Variants in MYO3B observed in about 807,000 individuals in gnomAD.
The protein encoded by MYO3B is myosin-IIIb.
In MYO3B, 156 loss-of-function variants were observed where a neutral mutation model predicts 174.6. The ratio of observed to expected loss-of-function variants is 0.89; its 90% confidence interval spans 0.78 to 1.02. The LOEUF (loss-of-function observed/expected upper bound fraction) is 1.02, where lower values mean the gene tolerates loss of function less well. MYO3B is among the 50% of genes least tolerant of loss of function. MYO3B has a pLI of 0.00. For synonymous variants in MYO3B, 563 were observed against 569.1 expected (o/e 0.99, Z 0.15); for missense variants, 1,632 against 1,639.4 (o/e 1.00, Z 0.08).
chr2:170,614,383 G>A (rs1695315244), intron 32 of MYO3B, among the ~76,000 whole-genome samples: 1 of 152,096 alleles, frequency 6.6e-6, no homozygotes, highest in South Asian at 2.1e-4. Context: ...AGACTATCTG[G>A]ATTCCTGGGC....
chr2:170,226,028 A>C (rs1480977528), intron 6 of MYO3B, among the ~76,000 whole-genome samples: 1 of 152,150 alleles, frequency 6.6e-6, no homozygotes, highest in Non-Finnish European at 1.5e-5. Flanking sequence ...TAGAGGGAAG[A>C]CCTGCTTTCA....
intron 24 of MYO3B, among the ~76,000 whole-genome samples, chr2:170,465,848 G>A (rs761750989): frequency 2.6e-5 from 4 of 152,168 alleles, no homozygotes; most frequent in Admixed American, 6.5e-5. Flanking sequence ...TCCTGAAGGT[G>A]AGCCCAGAAG....
At chr2:170,408,721 A>T (rs1451627214) in intron 22 of MYO3B, among the ~76,000 whole-genome samples, 1 of 146,192 alleles carries the variant, frequency 6.8e-6, no homozygotes, top group Non-Finnish European at 1.5e-5. Flanking sequence ...GCCAGGTCTG[A>T]TTTTTAGCAG....
At position 170,514,102 on chromosome 2, in the gene MYO3B, C is replaced by T. The variant is rs79364347; in HGVS notation, c.3371-819C>T. ...GGGCAGGACCAGAAAAAATCTCCTC[C>T]GTGAGGAGGGGCAGTCCTGCTGCCA... On this transcript the variant is annotated intron_variant, in intron 28 of 34. Coordinates refer to ENST00000408978, the MANE Select transcript of MYO3B (RefSeq NM_138995.5). 9.2e-3 allele frequency among the ~76,000 whole-genome samples: 1,393 copies of T among 152,226 alleles called. 48 individuals carry two copies. In the East Asian group the frequency reaches 0.1, roughly 11 times the overall value.
At chr2:170,258,056 A>T (rs1295486202) in intron 7 of MYO3B, among the ~76,000 whole-genome samples, 1 of 152,176 alleles carries the variant, frequency 6.6e-6, no homozygotes, top group East Asian at 1.9e-4. Context: ...ACAAGTTCTG[A>T]AATTGAATCA....
Position 170,443,994 on chromosome 2 carries a change from T to C in MYO3B, c.2678T>C (p.Ile893Thr), listed in dbSNP as rs550704054. 3 of 1,613,348 alleles carry C rather than the reference T, an allele frequency of 1.9e-6. No individual in the cohort carries two copies. In the African/African-American group the frequency reaches 4.0e-5, roughly 21 times the overall value. The change falls in exon 23 of 35, where the codon ATA becomes ACA. Residue 893 changes from isoleucine to threonine, a missense_variant. By Grantham distance (89) the Ile-to-Thr change is moderately conservative (BLOSUM62 -1). Coordinates refer to ENST00000408978, the MANE Select transcript of MYO3B (RefSeq NM_138995.5). ...TGNLAQTRAR[I>T]TVASSSLPPH... ...AATTTGGCCCAGACAAGAGCTAGGA[T>C]AACAGTGGCCTCAAGTTCTTTGCCT... is the stretch of plus-strand genomic sequence containing the variant.
chr2:170,367,464 G>A (rs2094207399), intron 8 of MYO3B, among the ~76,000 whole-genome samples: 1 of 152,174 alleles, frequency 6.6e-6, no homozygotes, highest in Non-Finnish European at 1.5e-5. Context: ...TCCCTCTGAG[G>A]TTCCTGGGGG....
At position 170,631,114 on chromosome 2, in the gene MYO3B, G is replaced by A. The variant is rs575045291; in HGVS notation, c.3734-20514G>A. 9.9e-5 allele frequency among the ~76,000 whole-genome samples: 15 copies of A among 152,266 alleles called. No individual in the cohort carries two copies. The South Asian group carries it at 1.0e-3, about 11-fold the overall frequency. ...ACCAAACTTCTCCGAGCTAAAGGAGGAAGTTCGAACCCATCGCAAAGAAGT... is the reference window on the plus strand; with the variant it reads ...ACCAAACTTCTCCGAGCTAAAGGAGAAAGTTCGAACCCATCGCAAAGAAGT... On this transcript the variant is annotated intron_variant, in intron 32 of 34. Coordinates refer to ENST00000408978, the MANE Select transcript of MYO3B (RefSeq NM_138995.5).
At chr2:170,520,466 C>CAT (rs35769537) in intron 30 of MYO3B, among the ~76,000 whole-genome samples, 17,796 of 151,124 alleles carry the variant, frequency 0.12, 1,256 homozygotes, top group Admixed American at 0.2. Context: ...TATACACACA[C>CAT]ATATATATAC....
chr2:170,593,436 G>T (rs1414949553), intron 32 of MYO3B, among the ~76,000 whole-genome samples: 1 of 152,140 alleles, frequency 6.6e-6, no homozygotes, highest in Non-Finnish European at 1.5e-5. Flanking sequence ...AAACCAAGGT[G>T]CAGTGACCCA....
chr2:170,307,766 C>T (rs2093710846), intron 7 of MYO3B, among the ~76,000 whole-genome samples: 1 of 152,192 alleles, frequency 6.6e-6, no homozygotes, highest in Non-Finnish European at 1.5e-5. Context: ...AATAGCAGCT[C>T]AAGGGCAGTC....
intron 7 of MYO3B, among the ~76,000 whole-genome samples, chr2:170,244,356 G>A (rs1351892446): frequency 6.6e-6 from 1 of 152,044 alleles, no homozygotes; most frequent in African/African-American, 2.4e-5. Flanking sequence ...TTTTTTCCCA[G>A]CCCCACCTGG....
chr2:170,632,660 C>T (rs1411549508), intron 32 of MYO3B, among the ~76,000 whole-genome samples: 2 of 151,886 alleles, frequency 1.3e-5, no homozygotes, highest in East Asian at 1.9e-4. Context: ...GATAGAGACA[C>T]AAAAAACCCT....
intron 25 of MYO3B, among the ~76,000 whole-genome samples, chr2:170,475,758 C>T (rs1208099856): frequency 6.6e-6 from 1 of 152,174 alleles, no homozygotes. Context: ...GCCTCTTCTT[C>T]GTTGTCTATG....
intron 25 of MYO3B, among the ~76,000 whole-genome samples, chr2:170,490,528 TA>T (rs1280103085): frequency 6.1e-5 from 9 of 146,684 alleles, no homozygotes; most frequent in African/African-American, 2.5e-4. Flanking sequence ...ACATGGATGT[TA>T]TTTTTTTTTT....
In MYO3B at chr2:170,178,229, G is replaced by A. The variant is rs976698628; in HGVS notation, c.-59G>A. ...TTTCTGGGCCTGAAGTGTTCTGCTG[G>A]TTTTTGGAGGAATGAGAATCCAATC... On this transcript the variant is annotated 5_prime_UTR_variant, in exon 1 of 35. Transcript: ENST00000408978. 112 of 1,612,128 alleles carry A rather than the reference G, an allele frequency of 6.9e-5. No homozygotes were observed. The highest frequency in any genetic ancestry group is 9.2e-5 in the Non-Finnish European group (108 of 1,178,284).
chr2:170,266,407 G>T (rs1157748135), intron 7 of MYO3B, among the ~76,000 whole-genome samples: 1 of 152,152 alleles, frequency 6.6e-6, no homozygotes, highest in Non-Finnish European at 1.5e-5. Flanking sequence ...AAGGTAGTTT[G>T]TTGCTGGTTA....
At chr2:170,591,859 G>C (rs528089844) in intron 32 of MYO3B, among the ~76,000 whole-genome samples, 1 of 152,164 alleles carries the variant, frequency 6.6e-6, no homozygotes, top group Non-Finnish European at 1.5e-5. Context: ...AAACTTGGTC[G>C]TAGAAATCTA....
chr2:170,406,135 C>G (rs1180349917), intron 21 of MYO3B, among the ~76,000 whole-genome samples: 1 of 152,106 alleles, frequency 6.6e-6, no homozygotes, highest in Non-Finnish European at 1.5e-5. Context: ...ACTTTTCATA[C>G]ATTATGCCTC....
Sources: gnomAD v4.1 joint callset for allele counts (sites outside exome capture counted in the v4.1 genomes callset) on GRCh38, gnomAD v4.1.1 for gene constraint, MANE v1.5 for transcripts, NCBI Gene and HGNC (gene_info 2026-07-23, HGNC 2026-07-21) for gene names.